TICRR: variants seen among roughly 807,000 people sequenced by gnomAD.
The protein encoded by TICRR is treslin.
A neutral mutation model predicts 178.1 loss-of-function variants in TICRR; 132 were observed. The observed-to-expected ratio is 0.74, with a 90% CI of 0.64 to 0.86. The LOEUF (loss-of-function observed/expected upper bound fraction) is 0.86. TICRR is among the 40% of genes least tolerant of loss of function. The pLI is 0.00. For synonymous variants in TICRR, 991 were observed against 900.7 expected, an observed-to-expected ratio of 1.10 and a Z score of -1.79; for missense variants, 2,587 against 2,334.3, an observed-to-expected ratio of 1.11 and a Z score of -2.23.
At chr15:89,623,402 G>A (rs1424962397) in intron 19 of TICRR, among the ~76,000 whole-genome samples, 5 of 152,162 alleles carry the variant, frequency 3.3e-5, no homozygotes, top group Admixed American at 1.3e-4. Context: ...TTTGTTCTAG[G>A]ACAAACTAAA....
rs1269726180 is a variant in TICRR, at chr15:89,616,421, G to A, written c.2886G>A (p.Leu962=). Residue 962 remains leucine, a synonymous_variant, in exon 16 of 22, where the codon CTG becomes CTA. Coordinates refer to ENST00000268138, the MANE Select transcript of TICRR (RefSeq NM_152259.4). Reference sequence around the variant, plus strand: ...ACATTTTAGGTTATCACAAACTGCTGACTAAGAGTGTGGCCGAGACTCCAG... The same window carrying A: ...ACATTTTAGGTTATCACAAACTGCTAACTAAGAGTGTGGCCGAGACTCCAG... ...FKKNKGYHKL[L]TKSVAETPVH... is the part of the protein sequence containing the mutation. 1.9e-6 allele frequency: 3 copies of A among 1,613,964 alleles called. No individual in the cohort carries two copies. Among genetic ancestry groups the A allele is most frequent in the East Asian group, 2.2e-5 (1 of 44,890 alleles).
In TICRR at chr15:89,601,552, G is replaced by T. The variant is rs1201890182; in HGVS notation, c.2311G>T (p.Glu771Ter). Residue 771 changes from glutamate to a stop codon, truncating the protein, a stop_gained, in exon 11 of 22, where the codon GAG becomes TAG. Transcript: ENST00000268138. LOFTEE classifies it high-confidence loss of function. ...TTCAGCGTACCTAGCAGAGTTTCTG[G>T]AGGAAATTTTGAGATTGTAAGTTTG... is the stretch of plus-strand genomic sequence containing the variant. ...EDSAYLAEFLEEILRLYIDSI... is the reference protein window; with the variant it reads ...EDSAYLAEFL 1.2e-6 allele frequency: 2 copies of T among 1,614,048 alleles called. No individual in the cohort carries two copies. The highest frequency in any genetic ancestry group is 1.7e-6 in the Non-Finnish European group (2 of 1,180,012).
At chr15:89,615,009 T>G (rs1347370680) in intron 15 of TICRR, among the ~76,000 whole-genome samples, 2 of 152,192 alleles carry the variant, frequency 1.3e-5, no homozygotes, top group Non-Finnish European at 2.9e-5. Context: ...ACATGCACAG[T>G]GCTACACGTG....
In TICRR at chr15:89,576,854, T is replaced by C. The variant is rs1446635731; in HGVS notation, c.654+614T>C. 7.8e-3 allele frequency among the ~76,000 whole-genome samples: 595 copies of C among 75,812 alleles called. 2 individuals carry two copies. Among genetic ancestry groups the C allele is most frequent in the South Asian group, 0.018 (37 of 2,112 alleles). 49.7% of individuals were successfully genotyped at this position (75,812 alleles called of 152,430 possible). On this transcript the variant is annotated intron_variant, in intron 1 of 21. Coordinates refer to ENST00000268138, the MANE Select transcript of TICRR (RefSeq NM_152259.4). ...ATATATATATATATATATATATATA[T>C]ATATATACACACACACACATATATA...
At chr15:89,625,889 G>A (rs199510924) in intron 20 of TICRR, 47 bp from the exon 21 acceptor site, 1,185 of 1,543,698 alleles carry the variant, frequency 7.7e-4, no homozygotes, top group Admixed American at 9.8e-4. Context: ...TGGGCTTCCC[G>A]GTTGGGGGTC....
chr15:89,591,759 A>G, intron 4 of TICRR: 1 of 218,484 alleles, frequency 4.6e-6, no homozygotes, highest in African/African-American at 2.3e-5. Context: ...AAAGAAGAAC[A>G]ATATATATTT....
Position 89,594,528 on chromosome 15 carries a change from CT to C in TICRR, c.1656del (p.His553IlefsTer16). Reference sequence around the variant, plus strand: ...AAATCTCGTGAAGAATCCACTATAGCTCATCAAGAAGACAGCAAAAAGAAAC... The same window carrying C: ...AAATCTCGTGAAGAATCCACTATAGCCATCAAGAAGACAGCAAAAAGAAAC... ...QRKSREESTI[A>X]HQEDSKKKRG... is the part of the protein sequence containing the mutation. On this transcript the variant is annotated frameshift_variant, in exon 6 of 22. Transcript: ENST00000268138. LOFTEE classifies it high-confidence loss of function. The C allele has an allele frequency of 6.2e-7, 1 of 1,606,888 alleles. No individual in the cohort carries two copies. Among genetic ancestry groups the C allele is most frequent in the Non-Finnish European group, 8.5e-7 (1 of 1,176,488 alleles).
chr15:89,614,466 A>C (rs1056576152), intron 15 of TICRR, among the ~76,000 whole-genome samples: 2 of 151,994 alleles, frequency 1.3e-5, no homozygotes, highest in Non-Finnish European at 2.9e-5. Flanking sequence ...AGCTAGCTGG[A>C]CTAAAGGCAT....
chr15:89,625,992 C>T lies in TICRR; in HGVS notation c.5533C>T (p.Gln1845Ter). 6.2e-7 allele frequency: 1 copy of T among 1,609,948 alleles called. No homozygotes were observed. The highest frequency in any genetic ancestry group is 8.5e-7 in the Non-Finnish European group (1 of 1,178,102). Residue 1845 changes from glutamine (Q) to a stop codon, truncating the protein, a stop_gained, in exon 21 of 22, where the codon CAG becomes TAG. Transcript: ENST00000268138. LOFTEE classifies it high-confidence loss of function. ...VRSCLSASAL[Q>*]ALTQSPLLFQ... ...GAGCTGCCTCTCTGCCAGTGCCCTC[C>T]AGGCTCTGACCCAGTCTCCGCTGCT...
intron 15 of TICRR, among the ~76,000 whole-genome samples, chr15:89,612,954 A>G (rs1963276798): frequency 6.6e-6 from 1 of 152,234 alleles, no homozygotes; most frequent in Non-Finnish European, 1.5e-5. Flanking sequence ...TGTATTTTAA[A>G]TAACAGGGGG....
At position 89,625,535 on chromosome 15, in the gene TICRR, G is replaced by A. The variant is rs536495084; in HGVS notation, c.5225G>A (p.Gly1742Glu). Residue 1742 changes from glycine to glutamate, a missense_variant, in exon 20 of 22, where the codon GGA becomes GAA. Physicochemically the swap from Gly to Glu is moderately conservative, Grantham distance 98. Transcript: ENST00000268138. ...ATCTTGGAGGATTTTGAGCTCGAGG[G>A]AGTGTGCCAGCTCCCAGACCAGTCG... ...TPILEDFELEGVCQLPDQSPP... is the reference protein window; with the variant it reads ...TPILEDFELEEVCQLPDQSPP... The A allele has an allele frequency of 5.6e-6, 9 of 1,613,544 alleles. No homozygotes were observed. The East Asian group carries it at 1.6e-4, about 28-fold the overall frequency.
At chr15:89,598,426 G>A (rs547601836) in intron 7 of TICRR, among the ~76,000 whole-genome samples, 7 of 152,168 alleles carry the variant, frequency 4.6e-5, no homozygotes, top group African/African-American at 7.2e-5. Context: ...GCAATGGTGC[G>A]GTCTTGGCTC....
chr15:89,612,970 G>C (rs1963277122), intron 15 of TICRR, among the ~76,000 whole-genome samples: 1 of 152,144 alleles, frequency 6.6e-6, no homozygotes, highest in African/African-American at 2.4e-5. Context: ...GGGGGGAACA[G>C]TTACAAATAA....
At chr15:89,576,898 CAT>C (rs1198526996) in intron 1 of TICRR, among the ~76,000 whole-genome samples, 7 of 135,370 alleles carry the variant, frequency 5.2e-5, no homozygotes, top group Admixed American at 1.5e-4. Context: ...TATTTATATA[CAT>C]ATATATATTT....
chr15:89,620,466 C>G lies in TICRR; in HGVS notation c.3154+624C>G, dbSNP rs1963405905. On this transcript the variant is annotated intron_variant, in intron 18 of 21. Transcript: ENST00000268138. ...CAAGTGATCCATCTGCCTCGGCCTC[C>G]CAAAGTGCTGGGATTACAAGTGTGA... Among the ~76,000 whole-genome samples the G allele has an allele frequency of 3.9e-5, 6 of 152,196 alleles. 1 individual carries two copies. In the South Asian group the frequency reaches 1.2e-3, roughly 32 times the overall value.
rs978457608 is a variant in TICRR at position 89,599,175 on chromosome 15, C to T, written c.1901-149C>T. 19 of 612,556 alleles carry T rather than the reference C, an allele frequency of 3.1e-5. 1 individual carries two copies. The highest frequency in any genetic ancestry group is 4.6e-5 in the South Asian group (2 of 43,912). The allele number at this position is 612,556 out of a possible 1,614,324, so 37.9% of individuals were successfully genotyped here. ...ATACTAGATGGCCAGCAGCCACCCC[C>T]GCCCCCACCACCATCAGTCATGACA... On this transcript the variant is annotated intron_variant, in intron 7 of 21. Transcript: ENST00000268138.
intron 15 of TICRR, among the ~76,000 whole-genome samples, chr15:89,612,197 A>G (rs920562): frequency 0.05 from 7,564 of 151,330 alleles, 623 homozygotes; most frequent in African/African-American, 0.17. Context: ...TGTGTAAAGT[A>G]TGTATACCTT....
rs149917755 is a variant in TICRR, at chr15:89,617,774, G to A, written c.2961-378G>A. On this transcript the variant is annotated intron_variant, in intron 16 of 21. Coordinates refer to ENST00000268138, the MANE Select transcript of TICRR (RefSeq NM_152259.4). Reference sequence around the variant, plus strand: ...TGGCGCGATCCTGGCTCACTGCAACGTCTGCCTCCCGGGTTCAAGCGATTC... The same window carrying A: ...TGGCGCGATCCTGGCTCACTGCAACATCTGCCTCCCGGGTTCAAGCGATTC... Among the ~76,000 whole-genome samples, 24 of 147,876 alleles carry A rather than the reference G, an allele frequency of 1.6e-4. No individual in the cohort carries two copies. In the East Asian group the frequency reaches 3.0e-3, roughly 18 times the overall value.
chr15:89,609,437 AT>A (rs1378491594), intron 15 of TICRR, among the ~76,000 whole-genome samples: 1 of 151,346 alleles, frequency 6.6e-6, no homozygotes, highest in Non-Finnish European at 1.5e-5. Context: ...TTTTCAAAGA[AT>A]TTACTTTGGT....
Sources: allele counts gnomAD v4.1 joint callset (sites outside exome capture counted in the v4.1 genomes callset), GRCh38; gene constraint gnomAD v4.1.1; transcripts MANE v1.5; gene names NCBI Gene and HGNC (gene_info 2026-07-23, HGNC 2026-07-21).